Variants in TMEM117 observed in about 807,000 individuals in gnomAD.
The protein encoded by TMEM117 is transmembrane protein 117.
In TMEM117, 27 loss-of-function variants were observed where a neutral mutation model predicts 52.4. The ratio of observed to expected loss-of-function variants is 0.51; its 90% confidence interval spans 0.38 to 0.71. TMEM117 has a LOEUF of 0.71. Ranked by LOEUF, TMEM117 falls within the 30% of genes least tolerant of loss-of-function variation. The pLI is 0.00. For missense variants in TMEM117, 556 were observed against 630.5 expected (o/e 0.88, Z 1.26); for synonymous variants, 215 against 206.3 (o/e 1.04, Z -0.36).
At chr12:44,339,635 AG>A (rs896061294) in intron 6 of TMEM117, among the ~76,000 whole-genome samples, 17 of 152,034 alleles carry the variant, frequency 1.1e-4, no homozygotes, top group African/African-American at 3.6e-4. Flanking sequence ...ATACAATGAA[AG>A]ATGTTATCTC....
At chr12:43,892,666 TC>T (rs1054002684) in intron 2 of TMEM117, among the ~76,000 whole-genome samples, 12 of 152,208 alleles carry the variant, frequency 7.9e-5, no homozygotes, top group African/African-American at 2.9e-4. Flanking sequence ...TTCTGGAAAT[TC>T]CAGAGATATT....
chr12:43,989,279 A>G (rs1945898669), intron 3 of TMEM117, among the ~76,000 whole-genome samples: 1 of 152,068 alleles, frequency 6.6e-6, no homozygotes, highest in Non-Finnish European at 1.5e-5. Context: ...GCGTATGTTT[A>G]TATTATTCAT....
At chr12:44,007,774 T>C (rs566922830) in intron 3 of TMEM117, among the ~76,000 whole-genome samples, 75 of 152,286 alleles carry the variant, frequency 4.9e-4, no homozygotes, top group Non-Finnish European at 9.9e-4. Context: ...TCTCATGAGA[T>C]CTGATGGTTT....
At chr12:44,244,707 C>G (rs1333803573) in intron 5 of TMEM117, among the ~76,000 whole-genome samples, 1 of 151,830 alleles carries the variant, frequency 6.6e-6, no homozygotes, top group African/African-American at 2.4e-5. Context: ...CATTTGATGT[C>G]ATCTCATTTG....
chr12:44,394,827 A>G, the TMEM117 span, among the ~76,000 whole-genome samples: 1 of 152,142 alleles, frequency 6.6e-6, no homozygotes, highest in Admixed American at 6.5e-5. Flanking sequence ...TGAGGTAGCC[A>G]CTTCTGAATT....
chr12:44,358,280 C>T (rs1323962218), intron 6 of TMEM117, among the ~76,000 whole-genome samples: 1 of 151,602 alleles, frequency 6.6e-6, no homozygotes, highest in Non-Finnish European at 1.5e-5. Context: ...CACAATATAT[C>T]CAGGTAATGA....
intron 4 of TMEM117, among the ~76,000 whole-genome samples, chr12:44,159,360 G>A (rs1948868881): frequency 6.6e-6 from 1 of 152,092 alleles, no homozygotes; most frequent in Non-Finnish European, 1.5e-5. Flanking sequence ...AGGGAAAACA[G>A]ACTGCAGTGT....
the TMEM117 span, chr12:43,805,741 C>T: frequency 4.0e-6 from 5 of 1,262,624 alleles, no homozygotes; most frequent in African/African-American, 1.5e-5. Context: ...GGGAAGCACC[C>T]CTACTGATGT....
the TMEM117 span, among the ~76,000 whole-genome samples, chr12:43,826,154 G>A: frequency 6.6e-6 from 1 of 152,250 alleles, no homozygotes; most frequent in South Asian, 2.1e-4. Context: ...CATGCAGTAT[G>A]TGGCAGGCAC....
the TMEM117 span, chr12:43,795,887 T>C: frequency 2.6e-6 from 2 of 781,966 alleles, no homozygotes; most frequent in African/African-American, 3.5e-5. Flanking sequence ...TGTAAACAGT[T>C]TCACTTTCTT....
chr12:44,025,670 T>C (rs1171032358), intron 3 of TMEM117, among the ~76,000 whole-genome samples: 1 of 152,210 alleles, frequency 6.6e-6, no homozygotes, highest in East Asian at 1.9e-4. Context: ...GGCAGCCTGT[T>C]GGAACATCTC....
chr12:44,339,129 G>A (rs1009390093), intron 6 of TMEM117, among the ~76,000 whole-genome samples: 3 of 151,908 alleles, frequency 2.0e-5, no homozygotes, highest in Admixed American at 1.3e-4. Flanking sequence ...TCTATGCTGT[G>A]GTTAAGAAAA....
At chr12:43,884,357 G>A (rs1039203268) in intron 2 of TMEM117, among the ~76,000 whole-genome samples, 8 of 151,966 alleles carry the variant, frequency 5.3e-5, no homozygotes, top group African/African-American at 1.9e-4. Flanking sequence ...TTATTTATTA[G>A]GTAAATCTCA....
At chr12:44,038,155 A>G (rs188975542) in intron 3 of TMEM117, among the ~76,000 whole-genome samples, 1 of 152,286 alleles carries the variant, frequency 6.6e-6, no homozygotes, top group Admixed American at 6.5e-5. Flanking sequence ...TAAAAGAGCA[A>G]TAACACAAAC....
chr12:44,263,184 C>T (rs1324480025), intron 5 of TMEM117, among the ~76,000 whole-genome samples: 1 of 151,938 alleles, frequency 6.6e-6, no homozygotes, highest in Non-Finnish European at 1.5e-5. Flanking sequence ...TTATCTATAA[C>T]AAAGTTTTCT....
chr12:44,129,980 G>T (rs1037877910), intron 3 of TMEM117, among the ~76,000 whole-genome samples: 3 of 151,970 alleles, frequency 2.0e-5, no homozygotes, highest in African/African-American at 7.3e-5. Flanking sequence ...GCACAGCCTC[G>T]ATCATATTTC....
At chr12:44,296,934 G>A (rs1240395014) in intron 5 of TMEM117, among the ~76,000 whole-genome samples, 2 of 152,188 alleles carry the variant, frequency 1.3e-5, no homozygotes, top group Non-Finnish European at 2.9e-5. Context: ...CAGGACCACT[G>A]TTCATAAGCC....
intron 6 of TMEM117, among the ~76,000 whole-genome samples, chr12:44,340,653 G>A (rs1013357161): frequency 6.6e-6 from 1 of 152,020 alleles, no homozygotes; most frequent in Non-Finnish European, 1.5e-5. Flanking sequence ...TTTACTGAAA[G>A]AATATCTAGT....
chr12:44,281,298 A>G (rs1950573924), intron 5 of TMEM117, among the ~76,000 whole-genome samples: 1 of 152,106 alleles, frequency 6.6e-6, no homozygotes, highest in Admixed American at 6.5e-5. Context: ...TGTTTATAAT[A>G]TCTGCCTTCC....
Sources: gnomAD v4.1 joint callset for allele counts (sites outside exome capture counted in the v4.1 genomes callset) on GRCh38, gnomAD v4.1.1 for gene constraint, MANE v1.5 for transcripts, NCBI Gene and HGNC (gene_info 2026-07-23, HGNC 2026-07-21) for gene names.